CEBPZOS: variants seen among roughly 807,000 people sequenced by gnomAD.
CEBPZOS encodes CEBPZ opposite strand.
CEBPZOS carries 10 observed loss-of-function variants against 4.8 expected under a neutral mutation model. The ratio of observed to expected loss-of-function variants is 2.07; its 90% CI spans 1.28 to 3.52. The LOEUF is 3.52. CEBPZOS is among the 30% of genes most tolerant of loss of function. The pLI, the probability that CEBPZOS is intolerant of heterozygous loss-of-function variation, is 0.00. For synonymous variants in CEBPZOS, 25 were observed against 14.2 expected, an observed-to-expected ratio of 1.77 and a Z score of -1.72; for missense variants, 98 against 43.6, an observed-to-expected ratio of 2.25 and a Z score of -3.51.
At chr2:37,204,979 C>T (rs1242740185), downstream of CEBPZOS, among the ~76,000 whole-genome samples, 2 of 152,180 alleles carry the variant, frequency 1.3e-5, no homozygotes, top group African/African-American at 4.8e-5. Flanking sequence ...TAAAGCAACA[C>T]TTTTCTGTGG....
chr2:37,214,489 A>G (rs542020303), downstream of CEBPZOS, among the ~76,000 whole-genome samples: 2 of 152,252 alleles, frequency 1.3e-5, no homozygotes, highest in Non-Finnish European at 2.9e-5. Context: ...TCTATATTAA[A>G]GGTAGATTTT....
chr2:37,199,319 A>C (rs778476153), intron 1 of CEBPZOS, among the ~76,000 whole-genome samples: 2 of 152,234 alleles, frequency 1.3e-5, no homozygotes, highest in African/African-American at 2.4e-5. Flanking sequence ...ACGGCACTTT[A>C]CAAAGAGCTG....
downstream of CEBPZOS, chr2:37,216,034 G>C: frequency 8.4e-6 from 6 of 717,292 alleles, no homozygotes; most frequent in South Asian, 1.4e-4. Flanking sequence ...TAATGTCTTT[G>C]ATGCTCAGGT....
chr2:37,200,775 G>A (rs1038538563), intron 2 of CEBPZOS, among the ~76,000 whole-genome samples: 10 of 152,168 alleles, frequency 6.6e-5, no homozygotes, highest in Admixed American at 1.3e-4. Context: ...CTTGGCTGAC[G>A]TAGGAGGCTC....
intron 4 of CEBPZOS, chr2:37,212,018 T>C: frequency 6.3e-7 from 1 of 1,583,338 alleles, no homozygotes. Context: ...CCTTAGCTCC[T>C]TTTGTTCTCT....
chr2:37,213,898 T>G, downstream of CEBPZOS: 2 of 1,602,780 alleles, frequency 1.2e-6, no homozygotes, highest in Non-Finnish European at 1.7e-6. Context: ...CATCCACGTC[T>G]TCTATACTTT....
intron 2 of CEBPZOS, 47 bp downstream of exon 2, chr2:37,199,866 G>C: frequency 1.4e-6 from 1 of 693,796 alleles, no homozygotes; most frequent in Non-Finnish European, 2.7e-6. Context: ...GTATAGTTTT[G>C]CTAATCCATT....
downstream of CEBPZOS, chr2:37,209,264 C>G (rs971710638): frequency 6.6e-6 from 1 of 151,994 alleles, no homozygotes; most frequent in African/African-American, 2.4e-5. Context: ...AAAATGCCAT[C>G]ATCATTCTTC....
intron 2 of CEBPZOS, among the ~76,000 whole-genome samples, chr2:37,200,701 T>C (rs926577651): frequency 1.3e-5 from 2 of 150,842 alleles, no homozygotes; most frequent in Non-Finnish European, 2.9e-5. Flanking sequence ...TGTGCTCCTG[T>C]AGTCCCAGCT....
At chr2:37,215,906 T>C (rs1283771735), downstream of CEBPZOS, among the ~76,000 whole-genome samples, 1 of 151,350 alleles carries the variant, frequency 6.6e-6, no homozygotes, top group Non-Finnish European at 1.5e-5. Context: ...TTCATCATAC[T>C]ATTTTGTTTA....
At position 37,202,320 on chromosome 2, in the gene CEBPZOS, G is replaced by A. The variant is rs770837772; in HGVS notation, c.*460G>A. On this transcript the variant is annotated 3_prime_UTR_variant, in exon 5 of 5. Transcript: ENST00000402297. Reference sequence around the variant, plus strand: ...GAGAAGAAAAAGCCATTCCTTTCAGGTTGTAAAGTACCATGAAAAGGTCTT... The same window carrying A: ...GAGAAGAAAAAGCCATTCCTTTCAGATTGTAAAGTACCATGAAAAGGTCTT... 8 of 159,786 alleles carry A rather than the reference G, an allele frequency of 5.0e-5. No individual in the cohort carries two copies. The highest frequency in any genetic ancestry group is 8.1e-5 in the Non-Finnish European group (6 of 73,816). The allele number at this position is 159,786 out of a possible 1,614,324, so 9.9% of individuals were successfully genotyped here.
chr2:37,203,614 T>C lies in CEBPZOS; in HGVS notation c.*1754T>C, dbSNP rs752138230. 1 of 152,250 alleles carries C rather than the reference T, an allele frequency of 6.6e-6. No individual in the cohort carries two copies. The highest frequency in any genetic ancestry group is 1.5e-5 in the Non-Finnish European group (1 of 68,052). The allele number at this position is 152,250 out of a possible 1,614,324, so 9.4% of individuals were successfully genotyped here. On this transcript the variant is annotated 3_prime_UTR_variant, in exon 5 of 5. Transcript: ENST00000402297. ...ATACAGATCATAACATTCAGCTGTT[T>C]TAAGTGTATTAACGCATTTTGGTAA...
At chr2:37,201,840 C>A (rs1390572238) in intron 4 of CEBPZOS, 23 bp from the exon 5 acceptor site, 1 of 1,612,044 alleles carries the variant, frequency 6.2e-7, no homozygotes, top group East Asian at 2.2e-5. Flanking sequence ...CTTGATGATA[C>A]TTTTTGCATC....
intron 2 of CEBPZOS, 111 bp downstream of exon 2, chr2:37,199,930 GATA>G (rs1268626883): frequency 3.7e-5 from 23 of 627,710 alleles, no homozygotes; most frequent in Non-Finnish European, 6.4e-5. Flanking sequence ...TCAGATTCAA[GATA>G]TTAGACATTT....
downstream of CEBPZOS, chr2:37,215,085 G>T (rs1374150574): frequency 3.1e-6 from 2 of 636,850 alleles, no homozygotes; most frequent in Admixed American, 2.8e-5. Context: ...AGACAGAAGG[G>T]ACTCTGGAGT....
At chr2:37,201,474 A>G (rs1267330845) in intron 3 of CEBPZOS, 168 bp from the exon 4 acceptor site, 9 of 573,206 alleles carry the variant, frequency 1.6e-5, no homozygotes, top group Non-Finnish European at 2.5e-5. Flanking sequence ...AGTGCTCATT[A>G]CAATGATCAG....
downstream of CEBPZOS, among the ~76,000 whole-genome samples, chr2:37,205,801 T>C (rs1212031792): frequency 6.6e-6 from 1 of 152,230 alleles, no homozygotes; most frequent in Non-Finnish European, 1.5e-5. Flanking sequence ...CACTTTTTTC[T>C]TTTATTAGCA....
chr2:37,214,908 C>T, downstream of CEBPZOS: 2 of 1,610,690 alleles, frequency 1.2e-6, no homozygotes, highest in Non-Finnish European at 8.5e-7. Flanking sequence ...ACTTCATCCA[C>T]TGGTATTTGG....
downstream of CEBPZOS, chr2:37,209,059 A>AG (rs70949743): frequency 1.3e-5 from 2 of 150,262 alleles, no homozygotes; most frequent in African/African-American, 4.9e-5. Context: ...AAAAAAAAAA[A>AG]AATAATAATA....
Sources: allele counts gnomAD v4.1 joint callset (sites outside exome capture counted in the v4.1 genomes callset), GRCh38; gene constraint gnomAD v4.1.1; transcripts MANE v1.5; gene names NCBI Gene and HGNC (gene_info 2026-07-23, HGNC 2026-07-21).